Variants in MTUS2 observed in about 807,000 individuals in gnomAD.
The protein encoded by MTUS2 is microtubule-associated tumor suppressor candidate 2.
A neutral mutation model predicts 114.1 loss-of-function variants in MTUS2; 40 were observed. That is an observed-to-expected ratio of 0.35 (90% CI 0.27 to 0.46). MTUS2 has a LOEUF of 0.46. Ranked by LOEUF, MTUS2 falls within the 20% of genes least tolerant of loss-of-function variation. The probability of loss-of-function intolerance (pLI) is 1.00; values close to 1 mark genes in which losing one functional copy is unlikely to be tolerated. For missense variants in MTUS2, 1,679 were observed against 1,705.4 expected, an observed-to-expected ratio of 0.98 and a Z score of 0.27; for synonymous variants, 688 against 672.0, an observed-to-expected ratio of 1.02 and a Z score of -0.37.
intron 2 of MTUS2, among the ~76,000 whole-genome samples, chr13:28,921,638 A>G (rs1221343013): frequency 2.0e-5 from 3 of 152,094 alleles, no homozygotes; most frequent in Non-Finnish European, 2.9e-5. Context: ...CTGCCTTTCA[A>G]GTTCACTTTG....
intron 5 of MTUS2, among the ~76,000 whole-genome samples, chr13:29,135,754 C>T (rs1196174066): frequency 6.6e-6 from 1 of 152,038 alleles, no homozygotes; most frequent in East Asian, 1.9e-4. Context: ...AAAGTTATAA[C>T]ACTCTAATTT....
chr13:29,395,132 A>G (rs1191652044), intron 8 of MTUS2, among the ~76,000 whole-genome samples: 1 of 152,218 alleles, frequency 6.6e-6, no homozygotes, highest in African/African-American at 2.4e-5. Context: ...ATGCTATACT[A>G]GAGTCAGGTT....
intron 5 of MTUS2, among the ~76,000 whole-genome samples, chr13:29,264,439 C>T (rs886766171): frequency 6.6e-6 from 1 of 152,256 alleles, no homozygotes; most frequent in Non-Finnish European, 1.5e-5. Context: ...CATAGCTCCC[C>T]CAGGCAGTGC....
intron 4 of MTUS2, among the ~76,000 whole-genome samples, chr13:29,059,123 G>A (rs998249509): frequency 2.6e-4 from 39 of 151,876 alleles, no homozygotes; most frequent in African/African-American, 8.2e-4. Context: ...CTGTTTAAAG[G>A]TAAGAAGACA....
At chr13:29,222,562 G>A (rs986549278) in intron 5 of MTUS2, among the ~76,000 whole-genome samples, 3 of 152,320 alleles carry the variant, frequency 2.0e-5, no homozygotes, top group Non-Finnish European at 2.9e-5. Context: ...TGGAGCAGAC[G>A]CTGCCATGAT....
At chr13:28,852,726 G>T (rs1404586719) in intron 2 of MTUS2, among the ~76,000 whole-genome samples, 1 of 152,078 alleles carries the variant, frequency 6.6e-6, no homozygotes, top group Non-Finnish European at 1.5e-5. Context: ...TTAGCCAGGT[G>T]TGGTGGCACA....
rs147820441 is a variant in MTUS2 at position 28,912,393 on chromosome 13, A to G, written c.-243+72543A>G. Among the ~76,000 whole-genome samples the G allele has an allele frequency of 2.4e-4, 36 of 152,320 alleles. No homozygotes were observed. In the East Asian group the frequency reaches 6.6e-3, roughly 28 times the overall value. ...ATGTATCTATTCTTGTAGCAATATC[A>G]TGCTGTTTTGGTCACTGTAGCCTTG... On this transcript the variant is annotated intron_variant, in intron 2 of 15. Coordinates refer to ENST00000612955, the MANE Select transcript of MTUS2 (RefSeq NM_001033602.4).
intron 8 of MTUS2, among the ~76,000 whole-genome samples, chr13:29,416,175 C>T (rs1355598464): frequency 6.6e-6 from 1 of 151,366 alleles, no homozygotes; most frequent in Non-Finnish European, 1.5e-5. Flanking sequence ...GTGATCCACC[C>T]GCCTTGGCCT....
chr13:29,041,799 C>T (rs1315085204), intron 4 of MTUS2, among the ~76,000 whole-genome samples: 7 of 152,074 alleles, frequency 4.6e-5, no homozygotes, highest in Non-Finnish European at 8.8e-5. Context: ...TGCTACTGAT[C>T]TGTGTATATT....
chr13:29,162,689 G>C (rs1482422733), intron 5 of MTUS2, among the ~76,000 whole-genome samples: 1 of 152,226 alleles, frequency 6.6e-6, no homozygotes, highest in Non-Finnish European at 1.5e-5. Context: ...TGCTGTGTTT[G>C]ATCGTATTTC....
chr13:28,857,741 A>G (rs994020691), intron 2 of MTUS2, among the ~76,000 whole-genome samples: 2 of 152,256 alleles, frequency 1.3e-5, no homozygotes, highest in Non-Finnish European at 2.9e-5. Flanking sequence ...AATCAAGGTC[A>G]GGAGAGATGC....
At chr13:29,463,177 G>A (rs935158181) in intron 9 of MTUS2, among the ~76,000 whole-genome samples, 2 of 152,120 alleles carry the variant, frequency 1.3e-5, no homozygotes, top group South Asian at 2.1e-4. Context: ...AGGTGGCCTC[G>A]AGGGGCTGGA....
chr13:29,407,082 T>C (rs1197179755), intron 8 of MTUS2, among the ~76,000 whole-genome samples: 1 of 152,116 alleles, frequency 6.6e-6, no homozygotes, highest in Non-Finnish European at 1.5e-5. Context: ...CTGTGTCTAC[T>C]AAAAATACAA....
At chr13:28,921,801 A>G (rs930323405) in intron 2 of MTUS2, among the ~76,000 whole-genome samples, 1 of 152,118 alleles carries the variant, frequency 6.6e-6, no homozygotes, top group Non-Finnish European at 1.5e-5. Flanking sequence ...TTGCTCTCCA[A>G]TATAACAGGA....
chr13:28,949,075 A>AT (rs148150121), intron 2 of MTUS2, among the ~76,000 whole-genome samples: 5,246 of 151,958 alleles, frequency 0.035, 119 homozygotes, highest in Non-Finnish European at 0.055. Context: ...AAATGTTTAA[A>AT]TTTTTTTTTC....
At chr13:29,237,919 T>C (rs1003026643) in intron 5 of MTUS2, among the ~76,000 whole-genome samples, 12 of 151,930 alleles carry the variant, frequency 7.9e-5, no homozygotes, top group Non-Finnish European at 1.5e-4. Flanking sequence ...TAAGTGCTCA[T>C]AAGAATGTAA....
chr13:28,835,542 G>C (rs1175289063), intron 1 of MTUS2, among the ~76,000 whole-genome samples: 4 of 152,132 alleles, frequency 2.6e-5, no homozygotes, highest in Non-Finnish European at 5.9e-5. Flanking sequence ...GGTTTCTTTG[G>C]GGGGTGATGA....
intron 5 of MTUS2, among the ~76,000 whole-genome samples, chr13:29,167,628 G>T (rs1189690923): frequency 1.3e-5 from 2 of 151,906 alleles, no homozygotes; most frequent in African/African-American, 4.8e-5. Flanking sequence ...TATGAAAAAG[G>T]TCACAGCAAA....
At chr13:28,822,917 C>G (rs1026644780) in intron 1 of MTUS2, among the ~76,000 whole-genome samples, 5 of 152,182 alleles carry the variant, frequency 3.3e-5, no homozygotes, top group African/African-American at 4.8e-5. Flanking sequence ...CTGCTATAAC[C>G]TAGGGCTGTA....
Sources: gnomAD v4.1 joint callset for allele counts (sites outside exome capture counted in the v4.1 genomes callset) on GRCh38, gnomAD v4.1.1 for gene constraint, MANE v1.5 for transcripts, NCBI Gene and HGNC (gene_info 2026-07-23, HGNC 2026-07-21) for gene names.